Variants in PA2G4 observed in about 807,000 individuals in gnomAD.
The protein encoded by PA2G4 is proliferation-associated 2G4.
A neutral mutation model predicts 53.3 loss-of-function variants in PA2G4; 8 were observed. That is an observed-to-expected ratio of 0.15 (90% confidence interval 0.09 to 0.27). The LOEUF (loss-of-function observed/expected upper bound fraction) is 0.27. PA2G4 is among the 10% of genes least tolerant of loss of function. PA2G4 has a pLI of 1.00. For missense variants in PA2G4, 208 were observed against 486.8 expected (o/e 0.43, Z 5.39); for synonymous variants, 143 against 169.8 (o/e 0.84, Z 1.23).
rs988399465 is a variant in PA2G4, at chr12:56,113,245, C to T, written c.*357C>T. ...CACTACAGAACAGGGCTAAATTAGC[C>T]ACCACCACTGAAAACTCAGCCGAAT... On this transcript the variant is annotated 3_prime_UTR_variant, in exon 13 of 13. Coordinates refer to ENST00000303305, the MANE Select transcript of PA2G4 (RefSeq NM_006191.3). The T allele has an allele frequency of 4.3e-5, 8 of 184,574 alleles. No homozygotes were observed. Among genetic ancestry groups the T allele is most frequent in the African/African-American group, 1.6e-4 (7 of 42,532 alleles). The allele number at this position is 184,574 out of a possible 1,614,324, so 11.4% of individuals were successfully genotyped here.
chr12:56,110,753 C>G (rs1487253234), intron 9 of PA2G4, 61 bp downstream of exon 9: 14 of 1,595,660 alleles, frequency 8.8e-6, no homozygotes, highest in Non-Finnish European at 1.2e-5. Flanking sequence ...CCCAGGAACA[C>G]TTTTTCCTCT....
At chr12:56,106,531 G>A in intron 1 of PA2G4, 57 bp from the exon 2 acceptor site, 1 of 1,450,476 alleles carries the variant, frequency 6.9e-7, no homozygotes, top group South Asian at 1.5e-5. Flanking sequence ...GTATTCCTTG[G>A]GTGGTAACTA....
At chr12:56,108,810 T>C (rs765513820) in intron 5 of PA2G4, among the ~76,000 whole-genome samples, 20 of 152,240 alleles carry the variant, frequency 1.3e-4, no homozygotes, top group African/African-American at 4.3e-4. Flanking sequence ...ATGACAATCA[T>C]TGGGGCTTGA....
At position 56,110,603 on chromosome 12, in the gene PA2G4, C is replaced by G. The variant is rs371846718; in HGVS notation, c.753C>G (p.Pro251=). Residue 251 remains proline, a synonymous_variant, in exon 9 of 13, where the codon CCC becomes CCG. Coordinates refer to ENST00000303305, the MANE Select transcript of PA2G4 (RefSeq NM_006191.3). The part of the protein sequence containing the change: ...GQRTTIYKRD[P]SKQYGLKMKT... Reference sequence around the variant, plus strand: ...GAACCACTATTTACAAACGAGACCCCTCTAAACAGTATGGACTGAAAATGA... The same window carrying G: ...GAACCACTATTTACAAACGAGACCCGTCTAAACAGTATGGACTGAAAATGA... The G allele has an allele frequency of 5.9e-5, 96 of 1,614,036 alleles. No individual in the cohort carries two copies. The highest frequency in any genetic ancestry group is 7.6e-5 in the Non-Finnish European group (90 of 1,180,026).
chr12:56,107,951 C>G (rs1006483756), intron 5 of PA2G4, among the ~76,000 whole-genome samples: 1 of 152,154 alleles, frequency 6.6e-6, no homozygotes, highest in African/African-American at 2.4e-5. Context: ...ATCACCTGAG[C>G]CTGGGAGATT....
chr12:56,111,095 A>G (rs1869411476), intron 10 of PA2G4, 37 bp downstream of exon 10: 4 of 1,612,644 alleles, frequency 2.5e-6, no homozygotes, highest in Non-Finnish European at 3.4e-6. Context: ...GGATTCCCTG[A>G]TTATAAGATA....
chr12:56,105,179 G>C, intron 1 of PA2G4: 1 of 515,346 alleles, frequency 1.9e-6, no homozygotes, highest in East Asian at 5.2e-5. Flanking sequence ...AGGCCACCTC[G>C]AAAAGGAAGC....
chr12:56,105,433 G>A (rs1294390663), intron 1 of PA2G4, among the ~76,000 whole-genome samples: 1 of 152,230 alleles, frequency 6.6e-6, no homozygotes, highest in Non-Finnish European at 1.5e-5. Flanking sequence ...GCCAGCTAAG[G>A]AGACCGTTGG....
At chr12:56,108,600 T>G (rs1160188819) in intron 5 of PA2G4, among the ~76,000 whole-genome samples, 1 of 152,268 alleles carries the variant, frequency 6.6e-6, no homozygotes, top group Non-Finnish European at 1.5e-5. Context: ...GATAATGTTT[T>G]TTAAGTGCTC....
At chr12:56,105,604 G>A (rs576227349) in intron 1 of PA2G4, among the ~76,000 whole-genome samples, 2 of 152,294 alleles carry the variant, frequency 1.3e-5, no homozygotes, top group South Asian at 2.1e-4. Flanking sequence ...TGGGGTCTCC[G>A]TCTTATCCCA....
At position 56,104,586 on chromosome 12, in the gene PA2G4, T is replaced by G; in HGVS notation, c.-152T>G. On this transcript the variant is annotated 5_prime_UTR_variant, in exon 1 of 13. Coordinates refer to ENST00000303305, the MANE Select transcript of PA2G4 (RefSeq NM_006191.3). The stretch of plus-strand genomic sequence containing the variant: ...CCCGCGCGCTCGCAGCTTCTCGCTC[T>G]CGCCTGCCTGCCCGCTCCCTTGCTT... 2 of 813,136 alleles carry G rather than the reference T, an allele frequency of 2.5e-6. No homozygotes were observed. The highest frequency in any genetic ancestry group is 4.4e-6 in the Non-Finnish European group (2 of 456,864). 50.4% of individuals were successfully genotyped at this position (813,136 alleles called of 1,614,324 possible).
At chr12:56,111,347 T>C (rs767712327) in intron 11 of PA2G4, 38 bp downstream of exon 11, 1 of 1,613,448 alleles carries the variant, frequency 6.2e-7, no homozygotes, top group Non-Finnish European at 8.5e-7. Flanking sequence ...ATGTACATGG[T>C]ATCCTGCTTG....
Position 56,106,631 on chromosome 12 carries a change from G to C in PA2G4, c.132G>C (p.Ser44=). 2.5e-6 allele frequency: 4 copies of C among 1,600,256 alleles called. No homozygotes were observed. Among genetic ancestry groups the C allele is most frequent in the Non-Finnish European group, 3.4e-6 (4 of 1,176,428 alleles). Residue 44 remains serine, a synonymous_variant, in exon 2 of 13, where the codon TCG becomes TCC. Coordinates refer to ENST00000303305, the MANE Select transcript of PA2G4 (RefSeq NM_006191.3). ...TGGAAGCATCTAGCTCAGGTGTGTCGGTACTGAGCCTGTGTGAGAAAGGTG... is the reference window on the plus strand; with the variant it reads ...TGGAAGCATCTAGCTCAGGTGTGTCCGTACTGAGCCTGTGTGAGAAAGGTG... ...SLVEASSSGV[S]VLSLCEKGDA...
chr12:56,104,917 A>C, intron 1 of PA2G4, 92 bp downstream of exon 1: 1 of 1,115,742 alleles, frequency 9.0e-7, no homozygotes, highest in Non-Finnish European at 1.4e-6. Flanking sequence ...GGTCATGCGG[A>C]CTGAGCTACT....
Position 56,106,645 on chromosome 12 carries a change from G to A in PA2G4, c.146G>A (p.Cys49Tyr). The A allele has an allele frequency of 6.2e-7, 1 of 1,607,086 alleles. No homozygotes were observed. Among genetic ancestry groups the A allele is most frequent in the Non-Finnish European group, 8.5e-7 (1 of 1,178,336 alleles). Residue 49 changes from cysteine to tyrosine, a missense_variant, in exon 2 of 13, where the codon TGT becomes TAT. By Grantham distance (194) the Cys-to-Tyr change is radical. Transcript: ENST00000303305. ...SSSGVSVLSL[C>Y]EKGDAMIMEE... ...TCAGGTGTGTCGGTACTGAGCCTGT[G>A]TGAGAAAGGTGATGCCATGATTATG...
At chr12:56,107,401 T>C in intron 4 of PA2G4, 120 bp from the exon 5 acceptor site, 1 of 997,094 alleles carries the variant, frequency 1.0e-6, no homozygotes. Context: ...TTGTTGTTGT[T>C]GTTTTTACCC....
intron 1 of PA2G4, 40 bp downstream of exon 1, chr12:56,104,865 G>A (rs1297434074): frequency 1.0e-5 from 16 of 1,544,536 alleles, no homozygotes; most frequent in Non-Finnish European, 1.1e-5. Context: ...AAGGCTGATA[G>A]GGAAAGGTAA....
intron 9 of PA2G4, 40 bp downstream of exon 9, chr12:56,110,732 C>T (rs1213870826): frequency 1.2e-6 from 2 of 1,611,644 alleles, no homozygotes. Flanking sequence ...GTCTGACTCA[C>T]AGACCATACA....
In PA2G4 at chr12:56,109,935, A is replaced by T. The variant is rs760410535; in HGVS notation, c.629A>T (p.Lys210Met). The change falls in exon 7 of 13, where the codon AAG (lysine) becomes ATG (methionine). Residue 210 changes from lysine to methionine, a missense_variant and splice_region_variant. Physicochemically the swap from Lys to Met is moderately conservative, Grantham distance 95 (BLOSUM62 -1). Coordinates refer to ENST00000303305, the MANE Select transcript of PA2G4 (RefSeq NM_006191.3). ...ATCCAGAATCCCACAGACCAGCAGA[A>T]GTAGGTGCCAACCCTACTTATTACC... Reference protein sequence around the residue: ...TIIQNPTDQQKKDHEKAEFEV... With the variant: ...TIIQNPTDQQMKDHEKAEFEV... The T allele has an allele frequency of 6.2e-7, 1 of 1,610,248 alleles. No homozygotes were observed. Among genetic ancestry groups the T allele is most frequent in the Non-Finnish European group, 8.5e-7 (1 of 1,176,526 alleles).
Sources: allele counts gnomAD v4.1 joint callset (sites outside exome capture counted in the v4.1 genomes callset), GRCh38; gene constraint gnomAD v4.1.1; transcripts MANE v1.5; gene names NCBI Gene and HGNC (gene_info 2026-07-23, HGNC 2026-07-21).